Variants in HSBP1 observed in about 807,000 individuals in gnomAD.
The protein encoded by HSBP1 is heat shock factor-binding protein 1.
HSBP1 carries 5 observed loss-of-function variants against 9.6 expected under a neutral mutation model. The observed-to-expected ratio is 0.52, with a 90% CI of 0.27 to 1.09. HSBP1 has a LOEUF of 1.09. Among genes scored for constraint, HSBP1 ranks in the 50% least tolerant of loss-of-function variants. The probability of loss-of-function intolerance (pLI) is 0.11; values close to 1 mark genes in which losing one functional copy is unlikely to be tolerated. For missense variants in HSBP1, 121 were observed against 96.3 expected (o/e 1.26, Z -1.07); for synonymous variants, 42 against 33.3 (o/e 1.26, Z -0.90).
intron 3 of HSBP1, among the ~76,000 whole-genome samples, chr16:83,810,482 A>G (rs1208575567): frequency 7.1e-6 from 1 of 141,718 alleles, no homozygotes; most frequent in East Asian, 2.1e-4. Context: ...AGGTCACGCC[A>G]CTGCACTCCA....
At chr16:83,808,450 AAC>A (rs771525484) in intron 1 of HSBP1, 2 of 567,408 alleles carry the variant, frequency 3.5e-6, no homozygotes, top group Non-Finnish European at 6.2e-6. Flanking sequence ...GCCCGGCAGA[AAC>A]AACCTAAAGA....
At chr16:83,808,626 G>C in intron 1 of HSBP1, 54 bp from the exon 2 acceptor site, 3 of 1,432,194 alleles carry the variant, frequency 2.1e-6, no homozygotes, top group South Asian at 1.2e-5. Context: ...CTGATCCCAG[G>C]AAGTTGTCTC....
Position 83,814,903 on chromosome 16 carries a change from C to T in HSBP1, c.*3485C>T, listed in dbSNP as rs913956425. The T allele has an allele frequency of 6.6e-6, 1 of 152,016 alleles. No homozygotes were observed. The highest frequency in any genetic ancestry group is 2.4e-5 in the African/African-American group (1 of 41,374). 9.4% of individuals were successfully genotyped at this position (152,016 alleles called of 1,614,324 possible). On this transcript the variant is annotated 3_prime_UTR_variant, in exon 4 of 4. Coordinates refer to ENST00000433866, the MANE Select transcript of HSBP1 (RefSeq NM_001537.4). ...TTGGTTTTCCATGCCTATACCTGTC[C>T]TGTCTCCCACAAAAATTATTGCTTG...
chr16:83,808,540 G>T, intron 1 of HSBP1, 140 bp from the exon 2 acceptor site: 2 of 634,292 alleles, frequency 3.2e-6, no homozygotes, highest in Non-Finnish European at 5.6e-6. Flanking sequence ...GCCCAGAGAA[G>T]GAAGATCTTG....
At chr16:83,808,779 G>C (rs779879521) in intron 2 of HSBP1, 33 bp downstream of exon 2, 1 of 1,529,700 alleles carries the variant, frequency 6.5e-7, no homozygotes, top group African/African-American at 1.4e-5. Flanking sequence ...GCCTCCTGTG[G>C]GCCTTTGGAG....
chr16:83,809,288 G>A lies in HSBP1; in HGVS notation c.113-17G>A, dbSNP rs369271571. On this transcript the variant is annotated splice_polypyrimidine_tract_variant and intron_variant, in intron 2 of 3. Coordinates refer to ENST00000433866, the MANE Select transcript of HSBP1 (RefSeq NM_001537.4). The stretch of plus-strand genomic sequence containing the variant: ...GCTCAATGAGATGTTGGCACGCGTT[G>A]TCTTTAACTTCAGCACTTGATGATA... 3 of 1,494,842 alleles carry A rather than the reference G, an allele frequency of 2.0e-6. No individual in the cohort carries two copies. In the African/African-American group the frequency reaches 4.2e-5, roughly 21 times the overall value. The allele number at this position is 1,494,842 out of a possible 1,614,324, so 92.6% of individuals were successfully genotyped here. A position where few individuals can be genotyped will look rare whatever the true frequency, so the allele number is the denominator to read the frequency against.
rs553889248 is a variant in HSBP1 at position 83,808,352 on chromosome 16, A to G, written c.45+231A>G. 10 of 550,420 alleles carry G rather than the reference A, an allele frequency of 1.8e-5. 1 individual carries two copies. The South Asian group carries it at 2.3e-4, about 13-fold the overall frequency. The allele number at this position is 550,420 out of a possible 1,614,324, so 34.1% of individuals were successfully genotyped here. A position where few individuals can be genotyped will look rare whatever the true frequency, so the allele number is the denominator to read the frequency against. On this transcript the variant is annotated intron_variant, in intron 1 of 3. Coordinates refer to ENST00000433866, the MANE Select transcript of HSBP1 (RefSeq NM_001537.4). ...CCGACCCCTTCCAGTAGCCCCATTC[A>G]TCTGTCGCGAACGCCCTCCGGGTCC...
Position 83,815,232 on chromosome 16 carries a change from C to A in HSBP1, c.*3814C>A, listed in dbSNP as rs1397885184. 1.3e-5 allele frequency: 2 copies of A among 151,932 alleles called. No homozygotes were observed. Among genetic ancestry groups the A allele is most frequent in the African/African-American group, 2.4e-5 (1 of 41,346 alleles). The allele number at this position is 151,932 out of a possible 1,614,324, so 9.4% of individuals were successfully genotyped here. A position where few individuals can be genotyped will look rare whatever the true frequency, so the allele number is the denominator to read the frequency against. ...GTGATTGAACATTGCACTTATCAAC[C>A]CTACAAATTAATATGGAAATAGGAA... On this transcript the variant is annotated 3_prime_UTR_variant, in exon 4 of 4. Coordinates refer to ENST00000433866, the MANE Select transcript of HSBP1 (RefSeq NM_001537.4).
At chr16:83,809,570 A>G (rs1473365195) in intron 3 of HSBP1, 145 bp downstream of exon 3, 1 of 550,388 alleles carries the variant, frequency 1.8e-6, no homozygotes, top group East Asian at 3.1e-5. Flanking sequence ...CCTGGGTTCA[A>G]ACGATTGTCC....
rs533714699 is a variant in HSBP1 at position 83,809,879 on chromosome 16, A to G, written c.*2+454A>G. 1.4e-3 allele frequency among the ~76,000 whole-genome samples: 213 copies of G among 152,198 alleles called. 1 individual carries two copies. Among genetic ancestry groups the G allele is most frequent in the Admixed American group, 2.9e-3 (45 of 15,292 alleles). ...CCATGATCCCAGCAAGCATCACTGT[A>G]TTGTTTACCTGCTGTGGACTTGATG... On this transcript the variant is annotated intron_variant, in intron 3 of 3. Coordinates refer to ENST00000433866, the MANE Select transcript of HSBP1 (RefSeq NM_001537.4).
chr16:83,808,428 C>T (rs1179809085), intron 1 of HSBP1: 1 of 572,024 alleles, frequency 1.7e-6, no homozygotes, highest in African/African-American at 1.9e-5. Context: ...TCACACACCC[C>T]CGGGTGCCCC....
At chr16:83,809,452 C>CTT in intron 3 of HSBP1, 27 bp downstream of exon 3, 1 of 647,198 alleles carries the variant, frequency 1.5e-6, no homozygotes, top group African/African-American at 2.2e-5. Flanking sequence ...TTTTTTTTTT[C>CTT]TTTTCTTTTC....
Position 83,817,280 on chromosome 16 carries a change from C to G in HSBP1, c.*5862C>G, listed in dbSNP as rs1904742179. 6.6e-6 allele frequency: 1 copy of G among 152,226 alleles called. No homozygotes were observed. Among genetic ancestry groups the G allele is most frequent in the Admixed American group, 6.5e-5 (1 of 15,290 alleles). 9.4% of individuals were successfully genotyped at this position (152,226 alleles called of 1,614,324 possible). ...CAACTTGGACAATCAGGGCTTTGAC[C>G]CCCGTTACCTGGCATTCAATTCAAT... On this transcript the variant is annotated 3_prime_UTR_variant, in exon 4 of 4. Transcript: ENST00000433866.
rs887730201 is a variant in HSBP1, at chr16:83,817,298, A to G, written c.*5880A>G. ...CTTTGACCCCCGTTACCTGGCATTCAATTCAATCCATGTGTCACGCATGCC... is the reference window on the plus strand; with the variant it reads ...CTTTGACCCCCGTTACCTGGCATTCGATTCAATCCATGTGTCACGCATGCC... On this transcript the variant is annotated 3_prime_UTR_variant, in exon 4 of 4. Coordinates refer to ENST00000433866, the MANE Select transcript of HSBP1 (RefSeq NM_001537.4). 1.3e-5 allele frequency: 2 copies of G among 152,236 alleles called. No homozygotes were observed. Among genetic ancestry groups the G allele is most frequent in the Non-Finnish European group, 2.9e-5 (2 of 68,034 alleles). 9.4% of individuals were successfully genotyped at this position (152,236 alleles called of 1,614,324 possible).
rs999197224 is a variant in HSBP1 at position 83,818,685 on chromosome 16, A to C, written c.*7267A>C. ...CTTCTGGACTCTTCGTAACCCCTTC[A>C]GCAGACGACCCTGTATCTGGTCTTG... On this transcript the variant is annotated 3_prime_UTR_variant, in exon 4 of 4. Coordinates refer to ENST00000433866, the MANE Select transcript of HSBP1 (RefSeq NM_001537.4). The C allele has an allele frequency of 1.3e-5, 2 of 152,228 alleles. No homozygotes were observed. Among genetic ancestry groups the C allele is most frequent in the Non-Finnish European group, 2.9e-5 (2 of 68,034 alleles). The allele number at this position is 152,228 out of a possible 1,614,324, so 9.4% of individuals were successfully genotyped here.
At chr16:83,809,469 T>G (rs777884608) in intron 3 of HSBP1, 44 bp downstream of exon 3, 2 of 924,516 alleles carry the variant, frequency 2.2e-6, no homozygotes, top group Non-Finnish European at 3.1e-6. Flanking sequence ...TTTCTTTTTT[T>G]TTTTTTTTTT....
Position 83,816,310 on chromosome 16 carries a change from G to A in HSBP1, c.*4892G>A, listed in dbSNP as rs1904719643. On this transcript the variant is annotated 3_prime_UTR_variant, in exon 4 of 4. Coordinates refer to ENST00000433866, the MANE Select transcript of HSBP1 (RefSeq NM_001537.4). ...AGTTGCTCGGGAGGCTGAGGGAGGA[G>A]GATCGCTTGAACTCAGGAGGTGGAA... The A allele has an allele frequency of 6.6e-6, 1 of 152,136 alleles. No homozygotes were observed. The highest frequency in any genetic ancestry group is 2.4e-5 in the African/African-American group (1 of 41,406). The allele number at this position is 152,136 out of a possible 1,614,324, so 9.4% of individuals were successfully genotyped here. A position where few individuals can be genotyped will look rare whatever the true frequency, so the allele number is the denominator to read the frequency against.
In HSBP1 at chr16:83,814,958, C is replaced by T. The variant is rs1421323681; in HGVS notation, c.*3540C>T. The stretch of plus-strand genomic sequence containing the variant: ...CCAACCCGGGGGATAAAAAGACACC[C>T]CCCCGCCACTCCGTGACCTATTAGC... On this transcript the variant is annotated 3_prime_UTR_variant, in exon 4 of 4. Transcript: ENST00000433866. The T allele has an allele frequency of 6.6e-6, 1 of 152,140 alleles. No homozygotes were observed. The highest frequency in any genetic ancestry group is 1.5e-5 in the Non-Finnish European group (1 of 68,028). The allele number at this position is 152,140 out of a possible 1,614,324, so 9.4% of individuals were successfully genotyped here. A position where few individuals can be genotyped will look rare whatever the true frequency, so the allele number is the denominator to read the frequency against.
rs1270324704 is a variant in HSBP1, at chr16:83,809,352, G to T, written c.160G>T (p.Asp54Tyr). 2 of 1,603,930 alleles carry T rather than the reference G, an allele frequency of 1.2e-6. 1 individual carries two copies. Among genetic ancestry groups the T allele is most frequent in the South Asian group, 2.3e-5 (2 of 88,694 alleles). The part of the protein sequence containing the change: ...RIDDLEKNIA[D>Y]LMTQAGVEEL... ...TGATGATCTGGAAAAGAATATCGCGGACCTCATGACACAGGCTGGGGTGGA... is the reference window on the plus strand; with the variant it reads ...TGATGATCTGGAAAAGAATATCGCGTACCTCATGACACAGGCTGGGGTGGA... Residue 54 changes from aspartate (D) to tyrosine (Y), a missense_variant, in exon 3 of 4, where the codon GAC becomes TAC. Physicochemically the swap from Asp to Tyr is radical, Grantham distance 160. Coordinates refer to ENST00000433866, the MANE Select transcript of HSBP1 (RefSeq NM_001537.4).
Sources: allele counts gnomAD v4.1 joint callset (sites outside exome capture counted in the v4.1 genomes callset), GRCh38; gene constraint gnomAD v4.1.1; transcripts MANE v1.5; gene names NCBI Gene and HGNC (gene_info 2026-07-23, HGNC 2026-07-21).